Variants in CD36 observed in about 807,000 individuals in gnomAD.
CD36 encodes the protein CD36 molecule (CD36 blood group).
Under a neutral mutation model 55.2 loss-of-function variants are expected in CD36, and 119 were observed. The ratio of observed to expected loss-of-function variants is 2.15; its 90% CI spans 1.86 to 2.51. The LOEUF (loss-of-function observed/expected upper bound fraction) is 2.51, where lower values mean the gene tolerates loss of function less well. Ranked by LOEUF, CD36 falls within the 30% of genes most tolerant of loss-of-function variation. The pLI, the probability that CD36 is intolerant of heterozygous loss-of-function variation, is 0.00. For missense variants in CD36, 819 were observed against 555.5 expected (o/e 1.47, Z -4.77); for synonymous variants, 186 against 193.6 (o/e 0.96, Z 0.33).
At chr7:80,636,392 A>G (rs112968774), upstream of CD36, among the ~76,000 whole-genome samples, 1,884 of 152,192 alleles carry the variant, frequency 0.012, 39 homozygotes, top group African/African-American at 0.043. Context: ...TACACATGTC[A>G]AAATGATTCA....
chr7:80,629,785 C>T (rs1021863994), intron 1 of CD36, among the ~76,000 whole-genome samples: 2 of 151,900 alleles, frequency 1.3e-5, no homozygotes, highest in Non-Finnish European at 2.9e-5. Flanking sequence ...GCAAATCCCT[C>T]AACATACACC....
chr7:80,649,019 T>C (rs919599363), intron 3 of CD36, among the ~76,000 whole-genome samples: 1 of 152,096 alleles, frequency 6.6e-6, no homozygotes, highest in Admixed American at 6.6e-5. Flanking sequence ...AAATACTTAA[T>C]TGATGATACA....
intron 3 of CD36, among the ~76,000 whole-genome samples, chr7:80,655,641 G>A (rs1795990829): frequency 6.6e-6 from 1 of 152,060 alleles, no homozygotes; most frequent in Non-Finnish European, 1.5e-5. Context: ...ACATGATAAT[G>A]GGTTGTTGCA....
chr7:80,671,486 G>C (rs1797670798), intron 10 of CD36, among the ~76,000 whole-genome samples: 1 of 152,148 alleles, frequency 6.6e-6, no homozygotes, highest in Non-Finnish European at 1.5e-5. Flanking sequence ...TTTAGATTTA[G>C]GGTGAAATGA....
At chr7:80,645,865 C>G (rs558051179) in intron 1 of CD36, among the ~76,000 whole-genome samples, 17 of 152,076 alleles carry the variant, frequency 1.1e-4, no homozygotes, top group Non-Finnish European at 2.4e-4. Context: ...TACCTGTAGT[C>G]TATCCAAAGT....
intron 1 of CD36, among the ~76,000 whole-genome samples, chr7:80,613,300 A>G (rs1465220667): frequency 6.6e-6 from 1 of 151,992 alleles, no homozygotes; most frequent in African/African-American, 2.4e-5. Context: ...TTCTTTTTGC[A>G]GGGAGGTGAG....
At chr7:80,635,981 C>G (rs1312847475), upstream of CD36, among the ~76,000 whole-genome samples, 2 of 152,076 alleles carry the variant, frequency 1.3e-5, no homozygotes, top group African/African-American at 4.8e-5. Context: ...AAGCATCCCC[C>G]TCCTCAAAAA....
intron 5 of CD36, among the ~76,000 whole-genome samples, chr7:80,661,856 C>A (rs1796557936): frequency 6.6e-6 from 1 of 152,240 alleles, no homozygotes; most frequent in South Asian, 2.1e-4. Context: ...CGGCTATTTG[C>A]TTGGGGCTCT....
intron 1 of CD36, chr7:80,626,322 T>C (rs1376783846): frequency 6.6e-6 from 1 of 152,128 alleles, no homozygotes; most frequent in Non-Finnish European, 1.5e-5. Flanking sequence ...TTGAAAATAA[T>C]AAATTATGAT....
intron 1 of CD36, among the ~76,000 whole-genome samples, chr7:80,605,581 A>C (rs1792499588): frequency 6.6e-6 from 1 of 152,154 alleles, no homozygotes; most frequent in African/African-American, 2.4e-5. Context: ...GCTTGCTCTA[A>C]GCTTCTCGTT....
intron 3 of CD36, among the ~76,000 whole-genome samples, chr7:80,655,236 C>T (rs747985777): frequency 6.6e-6 from 1 of 152,198 alleles, no homozygotes; most frequent in Non-Finnish European, 1.5e-5. Context: ...CTTCCCAATA[C>T]TTCATTAGAA....
chr7:80,646,905 T>C, intron 3 of CD36, 45 bp downstream of exon 3: 1 of 1,608,006 alleles, frequency 6.2e-7, no homozygotes, highest in Non-Finnish European at 8.5e-7. Flanking sequence ...TGATTGATTC[T>C]AACTTCTCTT....
At chr7:80,605,525 T>C (rs1166144883) in intron 1 of CD36, among the ~76,000 whole-genome samples, 1 of 152,146 alleles carries the variant, frequency 6.6e-6, no homozygotes, top group Admixed American at 6.6e-5. Flanking sequence ...GACAGTTATA[T>C]TTCCAGAAGG....
intron 1 of CD36, among the ~76,000 whole-genome samples, chr7:80,632,961 C>G (rs1794170980): frequency 6.6e-6 from 1 of 151,868 alleles, no homozygotes; most frequent in African/African-American, 2.4e-5. Context: ...GTTTAAAAAA[C>G]TAGGTGCTCA....
At chr7:80,603,988 G>A (rs997726427) in intron 1 of CD36, among the ~76,000 whole-genome samples, 29 of 152,070 alleles carry the variant, frequency 1.9e-4, no homozygotes, top group African/African-American at 6.8e-4. Flanking sequence ...TACAAACAAA[G>A]CTTCAGGTTA....
intron 1 of CD36, among the ~76,000 whole-genome samples, chr7:80,645,415 C>CCT (rs1322966360): frequency 2.6e-5 from 4 of 151,366 alleles, no homozygotes; most frequent in African/African-American, 9.7e-5. Context: ...GGGTGGATCA[C>CCT]GAGGTCAGGA....
At chr7:80,640,117 C>T (rs186236503) in intron 1 of CD36, among the ~76,000 whole-genome samples, 1 of 152,108 alleles carries the variant, frequency 6.6e-6, no homozygotes, top group Admixed American at 6.6e-5. Flanking sequence ...ATACTTAATT[C>T]TGTAAGTATC....
chr7:80,636,415 T>C (rs1338164128), upstream of CD36, among the ~76,000 whole-genome samples: 1 of 151,728 alleles, frequency 6.6e-6, no homozygotes, highest in African/African-American at 2.4e-5. Flanking sequence ...CCTTGATAAA[T>C]CTGGAAAAAG....
intron 1 of CD36, among the ~76,000 whole-genome samples, chr7:80,625,499 A>G (rs1044996431): frequency 6.6e-6 from 1 of 152,168 alleles, no homozygotes; most frequent in Admixed American, 6.6e-5. Context: ...TATAGATATG[A>G]AATGCTAATG....
Sources: gnomAD v4.1 joint callset for allele counts (sites outside exome capture counted in the v4.1 genomes callset) on GRCh38, gnomAD v4.1.1 for gene constraint, MANE v1.5 for transcripts, NCBI Gene and HGNC (gene_info 2026-07-23, HGNC 2026-07-21) for gene names.